WWP1: variants seen among roughly 807,000 people sequenced by gnomAD.
The protein encoded by WWP1 is WW domain containing E3 ubiquitin protein ligase 1.
In WWP1, 49 loss-of-function variants were observed where a neutral mutation model predicts 130.6. That is an observed-to-expected ratio of 0.38 (90% CI 0.30 to 0.48). The LOEUF (loss-of-function observed/expected upper bound fraction) is 0.48, where lower values mean the gene tolerates loss of function less well. Ranked by LOEUF, WWP1 falls within the 20% of genes least tolerant of loss-of-function variation. The probability of loss-of-function intolerance (pLI) is 0.99; values close to 1 mark genes in which losing one functional copy is unlikely to be tolerated. For missense variants in WWP1, 809 were observed against 1,100.6 expected, an observed-to-expected ratio of 0.74 and a Z score of 3.75; for synonymous variants, 332 against 367.8, an observed-to-expected ratio of 0.90 and a Z score of 1.11.
At chr8:86,413,733 T>G (rs935873718) in intron 9 of WWP1, among the ~76,000 whole-genome samples, 3 of 152,188 alleles carry the variant, frequency 2.0e-5, no homozygotes, top group African/African-American at 7.2e-5. Context: ...CAGCAAGATA[T>G]ATAATGCTGA....
intron 1 of WWP1, among the ~76,000 whole-genome samples, chr8:86,364,562 T>C (rs1823848300): frequency 1.3e-5 from 2 of 152,104 alleles, no homozygotes; most frequent in South Asian, 4.1e-4. Flanking sequence ...TTTCAGTGCT[T>C]TGGGAGTCTG....
intron 1 of WWP1, among the ~76,000 whole-genome samples, chr8:86,357,622 A>G (rs559479300): frequency 1.3e-3 from 205 of 152,310 alleles, no homozygotes; most frequent in African/African-American, 4.8e-3. Context: ...GCATTCTTGG[A>G]ATTTAGTATT....
chr8:86,414,070 A>G (rs894323672), intron 9 of WWP1, among the ~76,000 whole-genome samples: 6 of 152,244 alleles, frequency 3.9e-5, no homozygotes, highest in African/African-American at 1.4e-4. Flanking sequence ...GCAGTAATCT[A>G]TATTAGTGTT....
Position 86,380,257 on chromosome 8 carries a change from A to C in WWP1, c.71-469A>C, listed in dbSNP as rs1018041327. Among the ~76,000 whole-genome samples, 8 of 152,170 alleles carry C rather than the reference A, an allele frequency of 5.3e-5. 1 individual carries two copies. In the South Asian group the frequency reaches 6.2e-4, roughly 12 times the overall value. On this transcript the variant is annotated intron_variant, in intron 3 of 24. Transcript: ENST00000517970. Reference sequence around the variant, plus strand: ...GTGAAAGAAGCCAGTCACAAAAAAAACCCACATTATATGATTCCATCTATA... The same window carrying C: ...GTGAAAGAAGCCAGTCACAAAAAAACCCCACATTATATGATTCCATCTATA...
At position 86,414,247 on chromosome 8, in the gene WWP1, G is replaced by GTA. The variant is rs772630419; in HGVS notation, c.1061+2375_1061+2376dup. Among the ~76,000 whole-genome samples the GTA allele has an allele frequency of 4.0e-5, 6 of 149,416 alleles. No homozygotes were observed. The South Asian group carries it at 1.3e-3, about 32-fold the overall frequency. On this transcript the variant is annotated intron_variant, in intron 9 of 24. Transcript: ENST00000517970. ...TTTTTCTGTGTGTGTGTGTGTGTGTGTATGTGTGTGTATGTAAGTAAAATC... is the reference window on the plus strand; with the variant it reads ...TTTTTCTGTGTGTGTGTGTGTGTGTGTATATGTGTGTGTATGTAAGTAAAATC...
intron 5 of WWP1, among the ~76,000 whole-genome samples, chr8:86,390,533 A>G (rs1807251369): frequency 6.6e-6 from 1 of 152,180 alleles, no homozygotes; most frequent in African/African-American, 2.4e-5. Context: ...TCTCCACCAA[A>G]AAATACAAAA....
chr8:86,368,293 T>A (rs1824089461), intron 1 of WWP1, among the ~76,000 whole-genome samples: 2 of 152,208 alleles, frequency 1.3e-5, no homozygotes, highest in South Asian at 4.1e-4. Flanking sequence ...ATACAGCTCT[T>A]AAGTGGCAGA....
rs1824619895 is a variant in WWP1 at position 86,375,884 on chromosome 8, C to CTA, written c.70+1767_70+1768dup. Among the ~76,000 whole-genome samples the CTA allele has an allele frequency of 3.3e-5, 5 of 152,176 alleles. No individual in the cohort carries two copies. The South Asian group carries it at 1.0e-3, about 32-fold the overall frequency. On this transcript the variant is annotated intron_variant, in intron 3 of 24. Coordinates refer to ENST00000517970, the MANE Select transcript of WWP1 (RefSeq NM_007013.4). The stretch of plus-strand genomic sequence containing the variant: ...CTGCACCATTTTGTGTCTACACCAG[C>CTA]TATACATGACAGTGCCTGTTTTCCC...
At chr8:86,411,969 A>G (rs1808612926) in intron 9 of WWP1, 95 bp downstream of exon 9, 1 of 1,211,156 alleles carries the variant, frequency 8.3e-7, no homozygotes, top group Non-Finnish European at 1.1e-6. Context: ...TTCATTGTTC[A>G]GAACTTTGAA....
chr8:86,464,833 G>A (rs1474100241), intron 24 of WWP1, among the ~76,000 whole-genome samples: 1 of 152,130 alleles, frequency 6.6e-6, no homozygotes. Flanking sequence ...GTATTTTTAA[G>A]AGTGAAAAGG....
intron 16 of WWP1, among the ~76,000 whole-genome samples, chr8:86,436,178 A>G (rs1318262086): frequency 6.6e-6 from 1 of 152,238 alleles, no homozygotes; most frequent in Non-Finnish European, 1.5e-5. Context: ...TGAGAGACAT[A>G]TCATGAATTT....
chr8:86,389,622 G>C (rs1825502881), intron 5 of WWP1, among the ~76,000 whole-genome samples: 1 of 151,916 alleles, frequency 6.6e-6, no homozygotes, highest in East Asian at 1.9e-4. Context: ...TTTTCTATTC[G>C]ACAAAACCCC....
chr8:86,426,831 A>G (rs1809652437), intron 10 of WWP1, among the ~76,000 whole-genome samples: 1 of 152,226 alleles, frequency 6.6e-6, no homozygotes, highest in African/African-American at 2.4e-5. Flanking sequence ...ATTGCTTGGT[A>G]TACAGCAAGC....
chr8:86,451,001 C>T (rs999060253), intron 20 of WWP1, among the ~76,000 whole-genome samples: 1 of 151,512 alleles, frequency 6.6e-6, no homozygotes, highest in Non-Finnish European at 1.5e-5. Context: ...CACTTGAGCC[C>T]AGGAGTTCAA....
rs540459162 is a variant in WWP1 at position 86,366,213 on chromosome 8, A to T, written c.-114-2726A>T. 3.9e-5 allele frequency among the ~76,000 whole-genome samples: 6 copies of T among 152,276 alleles called. No homozygotes were observed. In the South Asian group the frequency reaches 1.0e-3, roughly 26 times the overall value. Reference sequence around the variant, plus strand: ...GGAGATTGTGGGAAGAATAGGACCCATCAAGTTCAGGATGGGGCCATATGA... The same window carrying T: ...GGAGATTGTGGGAAGAATAGGACCCTTCAAGTTCAGGATGGGGCCATATGA... On this transcript the variant is annotated intron_variant, in intron 1 of 24. Coordinates refer to ENST00000517970, the MANE Select transcript of WWP1 (RefSeq NM_007013.4).
intron 1 of WWP1, among the ~76,000 whole-genome samples, chr8:86,366,514 A>G (rs774838477): frequency 6.6e-6 from 1 of 152,216 alleles, no homozygotes; most frequent in African/African-American, 2.4e-5. Flanking sequence ...TTCTCCTGAC[A>G]TGTAGTTCCA....
chr8:86,382,236 CATG>C (rs1265750895), intron 5 of WWP1, among the ~76,000 whole-genome samples: 1 of 152,086 alleles, frequency 6.6e-6, no homozygotes, highest in African/African-American at 2.4e-5. Flanking sequence ...ATTAAGTTTC[CATG>C]ATACTTTTTC....
intron 1 of WWP1, among the ~76,000 whole-genome samples, chr8:86,361,809 A>C (rs1823616396): frequency 6.6e-6 from 1 of 151,772 alleles, no homozygotes; most frequent in South Asian, 2.1e-4. Flanking sequence ...GTTCTTCTGT[A>C]GTTACTGTCT....
intron 1 of WWP1, among the ~76,000 whole-genome samples, chr8:86,364,833 A>AGAGAG (rs1563468191): frequency 9.7e-4 from 110 of 113,818 alleles, no homozygotes; most frequent in African/African-American, 1.1e-3. Context: ...GAAAGAAAGA[A>AGAGAG]AGAGAGAGAG....
Sources: allele counts gnomAD v4.1 joint callset (sites outside exome capture counted in the v4.1 genomes callset), GRCh38; gene constraint gnomAD v4.1.1; transcripts MANE v1.5; gene names NCBI Gene and HGNC (gene_info 2026-07-23, HGNC 2026-07-21).